Variants in OPHN1 observed in about 807,000 individuals in gnomAD.
OPHN1 encodes oligophrenin 1.
Under a neutral mutation model 60.7 loss-of-function variants are expected in OPHN1, and 11 were observed. The ratio of observed to expected loss-of-function variants is 0.18; its 90% confidence interval spans 0.11 to 0.30. The LOEUF is 0.30. Among genes scored for constraint, OPHN1 ranks in the 10% least tolerant of loss-of-function variants. The pLI is 1.00. For synonymous variants in OPHN1, 226 were observed against 222.6 expected, an observed-to-expected ratio of 1.02 and a Z score of -0.14; for missense variants, 449 against 611.0, an observed-to-expected ratio of 0.73 and a Z score of 2.80.
chrX:68,342,531 T>C (rs1213163384), intron 2 of OPHN1, among the ~76,000 whole-genome samples: 2 of 112,117 alleles, frequency 1.8e-5, no homozygotes, highest in African/African-American at 6.5e-5. Flanking sequence ...TATTTCAAAA[T>C]AAAATGTTTT....
intron 2 of OPHN1, among the ~76,000 whole-genome samples, chrX:68,374,703 T>C (rs1332822169): frequency 8.9e-6 from 1 of 111,877 alleles, no homozygotes; most frequent in Non-Finnish European, 1.9e-5. Context: ...AAAGAACCCA[T>C]ACTCAGAATA....
intron 6 of OPHN1, among the ~76,000 whole-genome samples, chrX:68,232,283 A>G: frequency 8.9e-6 from 1 of 111,752 alleles, no homozygotes; most frequent in Non-Finnish European, 1.9e-5. Flanking sequence ...AAAGTACTCA[A>G]CATAGTAGTA....
intron 15 of OPHN1, among the ~76,000 whole-genome samples, chrX:68,127,373 ACTT>A (rs1210490472): frequency 1.8e-5 from 2 of 111,953 alleles, no homozygotes; most frequent in Admixed American, 9.5e-5. Flanking sequence ...ATAAAAGAAT[ACTT>A]CTTATTTTTT....
chrX:68,426,060 A>G (rs1048866244), intron 2 of OPHN1, among the ~76,000 whole-genome samples: 10 of 110,919 alleles, frequency 9.0e-5, no homozygotes, highest in Non-Finnish European at 1.9e-4. Context: ...TCAAACTCCT[A>G]GACTGAAACG....
chrX:68,063,801 G>A (rs1275978739), intron 21 of OPHN1, 53 bp downstream of exon 21: 9 of 1,009,773 alleles, frequency 8.9e-6, no homozygotes, highest in Non-Finnish European at 1.2e-5. Flanking sequence ...GGATCTCAAG[G>A]TGAAAAGTAG....
At chrX:68,290,787 A>AG (rs1469549073) in intron 3 of OPHN1, among the ~76,000 whole-genome samples, 1 of 108,977 alleles carries the variant, frequency 9.2e-6, no homozygotes, top group Non-Finnish European at 1.9e-5. Flanking sequence ...AAAAAAAAAA[A>AG]AATCCCACTT....
chrX:68,361,722 C>T (rs752009376), intron 2 of OPHN1, among the ~76,000 whole-genome samples: 4 of 110,920 alleles, frequency 3.6e-5, no homozygotes, highest in Non-Finnish European at 7.5e-5. Flanking sequence ...CTGCAATGAA[C>T]ACAGGAGTGC....
Position 68,317,376 on chromosome X carries a change from A to AAAGAAAGAAAGAAAGAAAGG in OPHN1, c.155-18281_155-18280insCCTTTCTTTCTTTCTTTCTT, listed in dbSNP as rs1555970490. On this transcript the variant is annotated intron_variant, in intron 2 of 24. Transcript: ENST00000355520. ...GAAAGAAAGAAAGAAAGAAAGAAAG[A>AAAGAAAGAAAGAAAGAAAGG]AAGGAAGGAAGGAAGGAAGGAAGGA... Among the ~76,000 whole-genome samples the AAAGAAAGAAAGAAAGAAAGG allele has an allele frequency of 2.9e-3, 148 of 50,488 alleles. 1 individual carries two copies. Among genetic ancestry groups the AAAGAAAGAAAGAAAGAAAGG allele is most frequent in the African/African-American group, 4.8e-3 (45 of 9,317 alleles). 43.8% of individuals were successfully genotyped at this position (50,488 alleles called of 115,157 possible). A position where few individuals can be genotyped will look rare whatever the true frequency, so the allele number is the denominator to read the frequency against.
At chrX:68,216,188 T>C (rs2077607710) in intron 6 of OPHN1, among the ~76,000 whole-genome samples, 1 of 111,055 alleles carries the variant, frequency 9.0e-6, no homozygotes, top group Non-Finnish European at 1.9e-5. Flanking sequence ...TAACCACAAA[T>C]GCATATTGCA....
intron 18 of OPHN1, among the ~76,000 whole-genome samples, chrX:68,108,441 T>G (rs1269997993): frequency 8.9e-6 from 1 of 112,417 alleles, no homozygotes; most frequent in African/African-American, 3.2e-5. Flanking sequence ...CTTTAAATCA[T>G]GAATTCATAT....
At chrX:68,278,446 C>T (rs781429239) in intron 4 of OPHN1, among the ~76,000 whole-genome samples, 26 of 112,708 alleles carry the variant, frequency 2.3e-4, no homozygotes, top group Non-Finnish European at 4.5e-4. Context: ...CGAGTGACAT[C>T]CTAAACTCAT....
At chrX:68,132,473 C>T (rs1164759598) in intron 15 of OPHN1, among the ~76,000 whole-genome samples, 1 of 100,914 alleles carries the variant, frequency 9.9e-6, no homozygotes, top group African/African-American at 3.6e-5. Context: ...ACCGCATATT[C>T]TCACTCATAG....
intron 18 of OPHN1, among the ~76,000 whole-genome samples, chrX:68,100,856 C>T (rs2077055649): frequency 9.0e-6 from 1 of 110,617 alleles, no homozygotes; most frequent in Admixed American, 9.7e-5. Context: ...ATGCCATTCT[C>T]CTGCCTCAGC....
chrX:68,265,150 A>G (rs1602281509), intron 5 of OPHN1, among the ~76,000 whole-genome samples: 1 of 112,318 alleles, frequency 8.9e-6, no homozygotes, highest in South Asian at 3.7e-4. Context: ...GCAGACTTAA[A>G]TGTCCCTGTC....
At chrX:68,174,239 C>T (rs1184312470) in intron 15 of OPHN1, among the ~76,000 whole-genome samples, 1 of 111,129 alleles carries the variant, frequency 9.0e-6, no homozygotes, top group Non-Finnish European at 1.9e-5. Flanking sequence ...CAAAGCCACC[C>T]TTTATAACAA....
At chrX:68,351,467 AC>A (rs746399685) in intron 2 of OPHN1, among the ~76,000 whole-genome samples, 1 of 111,535 alleles carries the variant, frequency 9.0e-6, no homozygotes, top group Admixed American at 9.6e-5. Context: ...TCTCATTGTT[AC>A]CATAAGCACA....
intron 2 of OPHN1, among the ~76,000 whole-genome samples, chrX:68,416,059 TATATATATAGAGAGAGAGAGAGAGAGAG>T (rs1333311741): frequency 8.6e-4 from 6 of 6,970 alleles, no homozygotes; most frequent in African/African-American, 1.2e-3. Flanking sequence ...TATATATATA[TATATATATAGAGAGAGAGAGAGAGAGAG>T]AGAGAGAGAG....
rs1446657360 is a variant in OPHN1, at chrX:68,433,287, C to T, written c.-124G>A. 2 of 367,471 alleles carry T rather than the reference C, an allele frequency of 5.4e-6. No homozygotes were observed. Among genetic ancestry groups the T allele is most frequent in the East Asian group, 8.6e-5 (2 of 23,304 alleles). 30.3% of individuals were successfully genotyped at this position (367,471 alleles called of 1,213,427 possible). Reference sequence around the variant, plus strand: ...CAGTCGGATCCCGGCAGGGTGCTGCCTAGCAAGCAGCATGTCCCTTAGGCA... The same window carrying T: ...CAGTCGGATCCCGGCAGGGTGCTGCTTAGCAAGCAGCATGTCCCTTAGGCA... On this transcript the variant is annotated 5_prime_UTR_variant, in exon 1 of 25. An upstream open reading frame in the 5' UTR loses its in-frame stop. Transcript: ENST00000355520.
At chrX:68,227,545 T>G (rs979216926) in intron 6 of OPHN1, among the ~76,000 whole-genome samples, 1 of 111,529 alleles carries the variant, frequency 9.0e-6, no homozygotes, top group African/African-American at 3.3e-5. Flanking sequence ...ACAGAAATTA[T>G]AACAAACTGT....
Sources: allele counts gnomAD v4.1 joint callset (sites outside exome capture counted in the v4.1 genomes callset), GRCh38; gene constraint gnomAD v4.1.1; transcripts MANE v1.5; gene names NCBI Gene and HGNC (gene_info 2026-07-23, HGNC 2026-07-21).